The following LRRC56 variants were observed in gnomAD, a reference collection of about 807,000 sequenced individuals.
The protein encoded by LRRC56 is leucine rich repeat containing 56.
In LRRC56, 41 loss-of-function variants were observed where a neutral mutation model predicts 47.8. The ratio of observed to expected loss-of-function variants is 0.86; its 90% CI spans 0.67 to 1.11. LRRC56 has a LOEUF of 1.11. LRRC56 is among the 50% of genes most tolerant of loss of function. The pLI is 0.00. For synonymous variants in LRRC56, 387 were observed against 311.2 expected (o/e 1.24, Z -2.56); for missense variants, 759 against 704.2 (o/e 1.08, Z -0.88).
chr11:541,665 A>G lies in LRRC56; in HGVS notation c.265+41A>G. 2.4e-6 allele frequency: 3 copies of G among 1,260,162 alleles called. No homozygotes were observed. Among genetic ancestry groups the G allele is most frequent in the Non-Finnish European group, 3.3e-6 (3 of 897,640 alleles). The allele number at this position is 1,260,162 out of a possible 1,614,324, so 78.1% of individuals were successfully genotyped here. On this transcript the variant is annotated intron_variant, in intron 5 of 13. Coordinates refer to ENST00000270115, the MANE Select transcript of LRRC56 (RefSeq NM_198075.4). The surrounding 1 kb of genome is among the most constrained non-coding windows in gnomAD (Gnocchi z 4.1). ...CCCCGCCATGGCCACGGCCACGGCC[A>G]CGCCTCCCTGTAAACAACACACGTT...
chr11:550,633 C>A (rs975190983), intron 8 of LRRC56, among the ~76,000 whole-genome samples: 5 of 152,184 alleles, frequency 3.3e-5, no homozygotes, highest in African/African-American at 1.2e-4. Context: ...CCCCACAGGC[C>A]CCACAGACCA....
At position 554,782 on chromosome 11, in the gene LRRC56, C is replaced by T; in HGVS notation, c.*506C>T. Reference sequence around the variant, plus strand: ...GGGGATCTGTAGGGTTCCCGCACTGCGATAGGGCGGCCCGTTCCCTCCTCT... The same window carrying T: ...GGGGATCTGTAGGGTTCCCGCACTGTGATAGGGCGGCCCGTTCCCTCCTCT... On this transcript the variant is annotated 3_prime_UTR_variant, in exon 14 of 14. Transcript: ENST00000270115. 1.9e-6 allele frequency: 1 copy of T among 520,374 alleles called. No individual in the cohort carries two copies. 32.2% of individuals were successfully genotyped at this position (520,374 alleles called of 1,614,324 possible). A position where few individuals can be genotyped will look rare whatever the true frequency, so the allele number is the denominator to read the frequency against.
At chr11:518,017 A>G in the LRRC56 span, among the ~76,000 whole-genome samples, 6 of 152,124 alleles carry the variant, frequency 3.9e-5, no homozygotes, top group Admixed American at 1.3e-4. Flanking sequence ...CTACCCAGGG[A>G]CACAAACACT....
chr11:552,806 T>G, intron 13 of LRRC56, 104 bp downstream of exon 13: 8 of 979,928 alleles, frequency 8.2e-6, no homozygotes, highest in African/African-American at 1.6e-5. Context: ...CTGGCCCTGC[T>G]TCCTCAGCCA....
chr11:551,231 C>T lies in LRRC56; in HGVS notation c.725C>T (p.Pro242Leu). ...VPAAHTGPPA[P>L]PRLSQDWLAV... The stretch of plus-strand genomic sequence containing the variant: ...GCCGCACACACAGGCCCACCGGCCC[C>T]CCCGCGGCTGAGCCAGGACTGGCTT... Residue 242 changes from proline (P) to leucine (L), a missense_variant, in exon 9 of 14, where the codon CCC (proline) becomes CTC (leucine). By Grantham distance (98) the Pro-to-Leu change is moderately conservative (BLOSUM62 -3). Coordinates refer to ENST00000270115, the MANE Select transcript of LRRC56 (RefSeq NM_198075.4). 4.5e-6 allele frequency: 7 copies of T among 1,547,206 alleles called. No homozygotes were observed. The highest frequency in any genetic ancestry group is 6.1e-6 in the Non-Finnish European group (7 of 1,144,940).
At chr11:517,697 A>G in the LRRC56 span, among the ~76,000 whole-genome samples, 1 of 152,232 alleles carries the variant, frequency 6.6e-6, no homozygotes, top group Admixed American at 6.5e-5. Context: ...AGAACGGGCC[A>G]TGATGACAGT....
intron 6 of LRRC56, among the ~76,000 whole-genome samples, chr11:548,805 C>T (rs774270386): frequency 7.2e-5 from 11 of 152,140 alleles, no homozygotes; most frequent in Non-Finnish European, 1.5e-4. Flanking sequence ...CCTTAGACGT[C>T]GCCACAGTGG....
chr11:549,887 C>T lies in LRRC56; in HGVS notation c.327-15C>T. 6.2e-7 allele frequency: 1 copy of T among 1,610,796 alleles called. No homozygotes were observed. The highest frequency in any genetic ancestry group is 8.5e-7 in the Non-Finnish European group (1 of 1,178,186). ...GGCTGGGCACATGTTGACCACCAAA[C>T]CCTGCCTTCTGCAGGGACTTGGGCA... On this transcript the variant is annotated splice_polypyrimidine_tract_variant and intron_variant, in intron 6 of 13. Coordinates refer to ENST00000270115, the MANE Select transcript of LRRC56 (RefSeq NM_198075.4).
chr11:527,380 C>G, the LRRC56 span, among the ~76,000 whole-genome samples: 3 of 152,322 alleles, frequency 2.0e-5, no homozygotes, highest in African/African-American at 7.2e-5. Flanking sequence ...ACTCACGCAT[C>G]TTCCCAGACT....
At chr11:527,073 G>A in the LRRC56 span, among the ~76,000 whole-genome samples, 10 of 152,226 alleles carry the variant, frequency 6.6e-5, no homozygotes, top group African/African-American at 1.9e-4. Flanking sequence ...AGGCCGAGGC[G>A]GGCAGATCAT....
At chr11:524,023 C>G in the LRRC56 span, among the ~76,000 whole-genome samples, 1 of 152,104 alleles carries the variant, frequency 6.6e-6, no homozygotes, top group African/African-American at 2.4e-5. Context: ...CACATTCTTA[C>G]ATGCAGACAT....
chr11:525,198 G>A, the LRRC56 span, among the ~76,000 whole-genome samples: 1 of 151,212 alleles, frequency 6.6e-6, no homozygotes, highest in East Asian at 1.9e-4. Flanking sequence ...GAGGTCGGGA[G>A]TTTGAGACCA....
Position 551,319 on chromosome 11 carries a change from C to T in LRRC56, c.796+17C>T, listed in dbSNP as rs1479090496. ...CCCCGCTGGGTACGGCAGCTGCGCCCGGAGGACCCACTGCTGAGCCCCAGC... is the reference window on the plus strand; with the variant it reads ...CCCCGCTGGGTACGGCAGCTGCGCCTGGAGGACCCACTGCTGAGCCCCAGC... On this transcript the variant is annotated intron_variant, in intron 9 of 13. Coordinates refer to ENST00000270115, the MANE Select transcript of LRRC56 (RefSeq NM_198075.4). 4.7e-6 allele frequency: 7 copies of T among 1,489,064 alleles called. No homozygotes were observed. Among genetic ancestry groups the T allele is most frequent in the Admixed American group, 4.3e-5 (2 of 46,260 alleles). The allele number at this position is 1,489,064 out of a possible 1,614,324, so 92.2% of individuals were successfully genotyped here.
Position 554,179 on chromosome 11 carries a change from G to A in LRRC56, c.1532G>A (p.Arg511Gln), listed in dbSNP as rs367633088. The A allele has an allele frequency of 8.5e-5, 134 of 1,572,854 alleles. No homozygotes were observed. The highest frequency in any genetic ancestry group is 1.1e-4 in the Non-Finnish European group (122 of 1,160,798). Reference sequence around the variant, plus strand: ...GAGGTGGCCTCACGCCTGAGCCCTCGAGCCCAGGGATGTCCTGGCCCAAAG... The same window carrying A: ...GAGGTGGCCTCACGCCTGAGCCCTCAAGCCCAGGGATGTCCTGGCCCAAAG... ...ALEVASRLSP[R>Q]AQGCPGPKPA... Residue 511 changes from arginine to glutamine, a missense_variant, in exon 14 of 14, where the codon CGA (arginine) becomes CAA (glutamine). Coordinates refer to ENST00000270115, the MANE Select transcript of LRRC56 (RefSeq NM_198075.4).
chr11:532,635 G>C (rs730880327), upstream of LRRC56: 1 of 1,610,980 alleles, frequency 6.2e-7, no homozygotes, highest in Non-Finnish European at 8.5e-7. Flanking sequence ...CCTCACCTGC[G>C]TCAGGAGAGC....
the LRRC56 span, among the ~76,000 whole-genome samples, chr11:518,681 C>G: frequency 1.3e-5 from 2 of 152,232 alleles, no homozygotes; most frequent in Non-Finnish European, 2.9e-5. Context: ...GGGGAGGAGG[C>G]ACGCACGAGC....
the LRRC56 span, among the ~76,000 whole-genome samples, chr11:518,727 G>C: frequency 6.6e-6 from 1 of 152,172 alleles, no homozygotes; most frequent in Non-Finnish European, 1.5e-5. Flanking sequence ...CGCAGCCAGC[G>C]CGGAACCGGA....
At chr11:530,470 AGGGCGAG>A in the LRRC56 span, among the ~76,000 whole-genome samples, 26 of 138,538 alleles carry the variant, frequency 1.9e-4, no homozygotes, top group African/African-American at 6.7e-4. Context: ...CCTGGAGAGA[AGGGCGAG>A]TGTGGCGTCC....
At chr11:533,711 C>G (rs546681610), upstream of LRRC56, 2 of 1,611,344 alleles carry the variant, frequency 1.2e-6, no homozygotes, top group Non-Finnish European at 1.7e-6. Flanking sequence ...TGGACGCAGC[C>G]GGCCTGGCCC....
Sources: gnomAD v4.1 joint callset for allele counts (sites outside exome capture counted in the v4.1 genomes callset) on GRCh38, gnomAD v4.1.1 for gene constraint, Gnocchi (gnomAD v3.1) non-coding constraint, MANE v1.5 for transcripts, NCBI Gene and HGNC (gene_info 2026-07-23, HGNC 2026-07-21) for gene names.